PRMT9: variants seen among roughly 807,000 people sequenced by gnomAD.
PRMT9 encodes protein arginine methyltransferase 9.
PRMT9 carries 59 observed loss-of-function variants against 83.2 expected under a neutral mutation model. The ratio of observed to expected loss-of-function variants is 0.71; its 90% CI spans 0.57 to 0.88. PRMT9 has a LOEUF of 0.88. Among genes scored for constraint, PRMT9 ranks in the 40% least tolerant of loss-of-function variants. PRMT9 has a pLI of 0.00. For synonymous variants in PRMT9, 333 were observed against 353.2 expected, an observed-to-expected ratio of 0.94 and a Z score of 0.64; for missense variants, 947 against 1,021.9, an observed-to-expected ratio of 0.93 and a Z score of 1.00.
intron 1 of PRMT9, among the ~76,000 whole-genome samples, chr4:147,682,959 G>A (rs1736592637): frequency 6.6e-6 from 1 of 152,138 alleles, no homozygotes; most frequent in Non-Finnish European, 1.5e-5. Context: ...ATAGTGCTGA[G>A]GTTGACAAAC....
At chr4:147,656,466 TC>T (rs1195542425) in intron 8 of PRMT9, among the ~76,000 whole-genome samples, 1 of 152,018 alleles carries the variant, frequency 6.6e-6, no homozygotes, top group African/African-American at 2.4e-5. Flanking sequence ...CTAAATTTTT[TC>T]ATTTTGTAGA....
chr4:147,670,456 G>A (rs548875367), intron 5 of PRMT9, among the ~76,000 whole-genome samples, 185 bp downstream of exon 5: 104 of 152,312 alleles, frequency 6.8e-4, no homozygotes, highest in African/African-American at 2.5e-3. Flanking sequence ...TGGGATTACA[G>A]GCATGAGCCA....
intron 9 of PRMT9, among the ~76,000 whole-genome samples, chr4:147,650,484 G>A (rs1016378682): frequency 6.6e-6 from 1 of 151,988 alleles, no homozygotes; most frequent in Non-Finnish European, 1.5e-5. Context: ...TTAGGCAAAA[G>A]ACTTGTTTGT....
At position 147,660,958 on chromosome 4, in the gene PRMT9, G is replaced by A. The variant is rs1049828704; in HGVS notation, c.1034C>T (p.Thr345Ile). Residue 345 changes from threonine (T) to isoleucine (I), a missense_variant, in exon 7 of 12, where the codon ACT becomes ATT. Transcript: ENST00000322396. ...FQSPAYSSVD[T>I]EETIEPYTTE... ...TGTATAAGGTTCAATTGTTTCTTCAGTATCTACAGAAGAATAAGCCGGACT... is the reference window on the plus strand; with the variant it reads ...TGTATAAGGTTCAATTGTTTCTTCAATATCTACAGAAGAATAAGCCGGACT... 1.2e-6 allele frequency: 2 copies of A among 1,612,490 alleles called. No individual in the cohort carries two copies. The highest frequency in any genetic ancestry group is 1.7e-6 in the Non-Finnish European group (2 of 1,178,654).
intron 4 of PRMT9, 77 bp from the exon 5 acceptor site, chr4:147,670,820 AAAGG>A: frequency 1.1e-6 from 1 of 926,740 alleles, no homozygotes; most frequent in Non-Finnish European, 1.8e-6. Flanking sequence ...CTGAGAGGAG[AAAGG>A]AAGAGTATAT....
intron 2 of PRMT9, among the ~76,000 whole-genome samples, chr4:147,679,772 A>T (rs1024708292): frequency 6.6e-6 from 1 of 152,164 alleles, no homozygotes; most frequent in African/African-American, 2.4e-5. Flanking sequence ...TGCTGGAGAG[A>T]CACTGTAGCA....
intron 4 of PRMT9, 24 bp from the exon 5 acceptor site, chr4:147,670,767 ATATG>A (rs1224653668): frequency 7.1e-7 from 1 of 1,414,744 alleles, no homozygotes; most frequent in African/African-American, 1.4e-5. Context: ...TTTTAAAGAT[ATATG>A]TAAGTAAAAT....
intron 10 of PRMT9, among the ~76,000 whole-genome samples, chr4:147,641,163 AC>A (rs998879656): frequency 6.6e-5 from 10 of 152,274 alleles, no homozygotes; most frequent in African/African-American, 2.4e-4. Context: ...TAACACAGCA[AC>A]CACAGCAAGC....
chr4:147,657,790 A>G lies in PRMT9; in HGVS notation c.1330+2T>C. 1 of 1,610,858 alleles carries G rather than the reference A, an allele frequency of 6.2e-7. No homozygotes were observed. The highest frequency in any genetic ancestry group is 8.5e-7 in the Non-Finnish European group (1 of 1,178,228). Reference sequence around the variant, plus strand: ...TTAAAAAAAAAAATGGACAAGACCTACCTGCAAGGTCCTGTACGGGGTAGA... The same window carrying G: ...TTAAAAAAAAAAATGGACAAGACCTGCCTGCAAGGTCCTGTACGGGGTAGA... On this transcript the variant is annotated splice_donor_variant, in intron 8 of 11. Transcript: ENST00000322396. LOFTEE classifies it high-confidence loss of function.
chr4:147,673,206 A>C, intron 3 of PRMT9, 80 bp from the exon 4 acceptor site: 2 of 1,314,058 alleles, frequency 1.5e-6, no homozygotes, highest in Non-Finnish European at 2.2e-6. Flanking sequence ...ATGATGCTAA[A>C]ATGTGGGGTT....
intron 1 of PRMT9, among the ~76,000 whole-genome samples, chr4:147,681,187 C>T (rs1272688259): frequency 2.0e-5 from 3 of 152,202 alleles, no homozygotes; most frequent in Non-Finnish European, 4.4e-5. Flanking sequence ...CTTAACTCCA[C>T]ATACACTGTT....
chr4:147,638,316 T>C lies in PRMT9; in HGVS notation c.*216A>G, dbSNP rs1333508631. On this transcript the variant is annotated 3_prime_UTR_variant, in exon 12 of 12. Coordinates refer to ENST00000322396, the MANE Select transcript of PRMT9 (RefSeq NM_138364.4). ...AAAGAAGTTTCCTAATTTAAAAAAC[T>C]AGTGATGTATCCTTTTCCAGAAAGC... 5.4e-6 allele frequency: 3 copies of C among 558,530 alleles called. No individual in the cohort carries two copies. The highest frequency in any genetic ancestry group is 9.5e-6 in the Non-Finnish European group (3 of 315,064). 34.6% of individuals were successfully genotyped at this position (558,530 alleles called of 1,614,324 possible).
chr4:147,666,501 T>C (rs1735340601), intron 6 of PRMT9, among the ~76,000 whole-genome samples: 1 of 152,206 alleles, frequency 6.6e-6, no homozygotes, highest in Non-Finnish European at 1.5e-5. Context: ...CACACCTGTA[T>C]CATATACTAA....
intron 8 of PRMT9, 83 bp from the exon 9 acceptor site, chr4:147,654,649 GC>G (rs1560979139): frequency 2.3e-6 from 2 of 858,732 alleles, no homozygotes; most frequent in Non-Finnish European, 3.9e-6. Flanking sequence ...CCTCCATCTA[GC>G]CCCCCATTCT....
At chr4:147,641,321 A>T (rs1365715478) in intron 10 of PRMT9, among the ~76,000 whole-genome samples, 2 of 150,240 alleles carry the variant, frequency 1.3e-5, no homozygotes, top group African/African-American at 2.5e-5. Flanking sequence ...ATCTCTCATC[A>T]CTCTCCCTCT....
At chr4:147,676,036 A>C (rs916276183) in intron 2 of PRMT9, among the ~76,000 whole-genome samples, 1 of 152,190 alleles carries the variant, frequency 6.6e-6, no homozygotes, top group East Asian at 1.9e-4. Context: ...GTCAAGAACA[A>C]AGGTAAATTC....
chr4:147,659,594 C>T (rs67280923), intron 7 of PRMT9, among the ~76,000 whole-genome samples: 133,553 of 137,768 alleles, frequency 0.97, 64,739 homozygotes, highest in East Asian at 0.99. Flanking sequence ...TTTTTTTTTT[C>T]TGAGACGGAG....
At chr4:147,640,904 A>G (rs1431652478) in intron 10 of PRMT9, among the ~76,000 whole-genome samples, 1 of 151,990 alleles carries the variant, frequency 6.6e-6, no homozygotes, top group East Asian at 1.9e-4. Flanking sequence ...GTAGAGAGAC[A>G]GTCTCACTTT....
At chr4:147,657,716 ATT>A in intron 8 of PRMT9, 74 bp downstream of exon 8, 5 of 1,044,664 alleles carry the variant, frequency 4.8e-6, no homozygotes, top group Non-Finnish European at 7.1e-6. Flanking sequence ...ATCCAAAGTA[ATT>A]TTTTTTTTGC....
Sources: gnomAD v4.1 joint callset for allele counts (sites outside exome capture counted in the v4.1 genomes callset) on GRCh38, gnomAD v4.1.1 for gene constraint, MANE v1.5 for transcripts, NCBI Gene and HGNC (gene_info 2026-07-23, HGNC 2026-07-21) for gene names.